SETD2: variants seen among roughly 807,000 people sequenced by gnomAD.
SETD2 encodes the protein histone-lysine N-methyltransferase SETD2.
A neutral mutation model predicts 242.1 loss-of-function variants in SETD2; 31 were observed. The ratio of observed to expected loss-of-function variants is 0.13; its 90% CI spans 0.10 to 0.17. The LOEUF (loss-of-function observed/expected upper bound fraction) is 0.17, where lower values mean the gene tolerates loss of function less well. Ranked by LOEUF, SETD2 falls within the 10% of genes least tolerant of loss-of-function variation. SETD2 has a pLI of 1.00. For missense variants in SETD2, 2,481 were observed against 3,046.3 expected (o/e 0.81, Z 4.37); for synonymous variants, 1,006 against 1,066.5 (o/e 0.94, Z 1.11).
At chr3:47,059,278 G>A (rs974565210) in intron 14 of SETD2, among the ~76,000 whole-genome samples, 1 of 150,880 alleles carries the variant, frequency 6.6e-6, no homozygotes, top group Non-Finnish European at 1.5e-5. Context: ...CACCATGCCT[G>A]GCTAATTTTT....
intron 13 of SETD2, among the ~76,000 whole-genome samples, chr3:47,065,277 G>A (rs1226101449): frequency 2.0e-5 from 3 of 151,448 alleles, no homozygotes; most frequent in Admixed American, 1.3e-4. Flanking sequence ...AAAAATATTC[G>A]AAAGACAAAC....
chr3:47,084,424 GA>G, intron 11 of SETD2, 42 bp from the exon 12 acceptor site: 1 of 1,242,728 alleles, frequency 8.0e-7, no homozygotes, highest in African/African-American at 2.0e-5. Context: ...TTGTACAGTT[GA>G]CTTTTTTTTT....
At chr3:47,092,914 A>G (rs145687846) in intron 9 of SETD2, among the ~76,000 whole-genome samples, 9 of 152,250 alleles carry the variant, frequency 5.9e-5, no homozygotes, top group African/African-American at 1.9e-4. Flanking sequence ...TGCTTTGGAG[A>G]TAACTTATCC....
intron 3 of SETD2, among the ~76,000 whole-genome samples, chr3:47,117,287 A>AAAC (rs1553699255): frequency 8.9e-5 from 13 of 145,462 alleles, no homozygotes; most frequent in African/African-American, 3.0e-4. Flanking sequence ...AAAACAAACA[A>AAAC]AAAAAAAAAC....
chr3:47,081,651 T>C (rs1220329469), intron 12 of SETD2, among the ~76,000 whole-genome samples: 1 of 152,196 alleles, frequency 6.6e-6, no homozygotes, highest in Non-Finnish European at 1.5e-5. Context: ...GCTATCTATG[T>C]TTGTCTGGTT....
At chr3:47,140,711 A>G (rs1206411989) in intron 1 of SETD2, among the ~76,000 whole-genome samples, 1 of 152,022 alleles carries the variant, frequency 6.6e-6, no homozygotes, top group Non-Finnish European at 1.5e-5. Flanking sequence ...AAATACAAAA[A>G]TTAGCCAGGC....
chr3:47,131,532 A>T (rs2043475007), intron 1 of SETD2, among the ~76,000 whole-genome samples: 3 of 151,382 alleles, frequency 2.0e-5, no homozygotes, highest in Non-Finnish European at 4.4e-5. Flanking sequence ...TTTAGTAGAA[A>T]CGGGGCTTCA....
intron 17 of SETD2, among the ~76,000 whole-genome samples, chr3:47,041,790 T>C (rs1325981685): frequency 2.0e-5 from 3 of 152,210 alleles, no homozygotes; most frequent in African/African-American, 7.2e-5. Flanking sequence ...ACTTTTCTAC[T>C]ATATTTGCTT....
At chr3:47,064,247 A>C (rs2040461977) in intron 13 of SETD2, among the ~76,000 whole-genome samples, 1 of 152,198 alleles carries the variant, frequency 6.6e-6, no homozygotes, top group African/African-American at 2.4e-5. Flanking sequence ...TAGGTGGCCC[A>C]AAACCCCAAG....
intron 1 of SETD2, among the ~76,000 whole-genome samples, chr3:47,149,321 T>C (rs958509980): frequency 2.6e-5 from 4 of 152,026 alleles, no homozygotes; most frequent in Admixed American, 2.6e-4. Flanking sequence ...TTTATAAAAT[T>C]AGAGGCACTA....
intron 18 of SETD2, among the ~76,000 whole-genome samples, chr3:47,033,359 G>A (rs2038861014): frequency 6.6e-6 from 1 of 152,116 alleles, no homozygotes; most frequent in Non-Finnish European, 1.5e-5. Context: ...ATGCTCCCAG[G>A]ATGAAAAAGC....
At chr3:47,094,927 C>A (rs2041948794) in intron 9 of SETD2, among the ~76,000 whole-genome samples, 2 of 152,180 alleles carry the variant, frequency 1.3e-5, no homozygotes, top group Non-Finnish European at 2.9e-5. Flanking sequence ...ATACAACCAA[C>A]CAACCAATGA....
rs777476264 is a variant in SETD2 at position 47,123,269 on chromosome 3, C to T, written c.1367G>A (p.Arg456Gln). The change falls in exon 3 of 21, where the codon CGA (arginine) becomes CAA (glutamine). Residue 456 changes from arginine to glutamine, a missense_variant. Arg to Gln is a conservative substitution (Grantham distance 43). Around this residue, in one of 17 missense-constraint regions of SETD2, gnomAD observed 1,300 missense variants for 1,259.2 expected, o/e 1.03. Transcript: ENST00000409792. ...YSRPYTDNRA[R>Q]ESSDSEEEYK... ...CTCTTCTTCTGAGTCAGAACTCTCT[C>T]GTGCTCTGTTATCTGTGTATGGCCG... 89 of 1,552,486 alleles carry T rather than the reference C, an allele frequency of 5.7e-5. No homozygotes were observed. Among genetic ancestry groups the T allele is most frequent in the Non-Finnish European group, 7.6e-5 (87 of 1,147,236 alleles).
intron 3 of SETD2, among the ~76,000 whole-genome samples, chr3:47,118,864 A>G (rs978718645): frequency 6.6e-6 from 1 of 152,064 alleles, no homozygotes; most frequent in Admixed American, 6.6e-5. Flanking sequence ...AAGTTCCATT[A>G]GTCTACTCAC....
chr3:47,031,216 A>G (rs2038752740), intron 18 of SETD2, among the ~76,000 whole-genome samples: 1 of 152,232 alleles, frequency 6.6e-6, no homozygotes. Flanking sequence ...CCACAAATGT[A>G]CAATACCAAG....
chr3:47,096,157 G>C (rs370710169), intron 9 of SETD2, among the ~76,000 whole-genome samples: 1 of 152,216 alleles, frequency 6.6e-6, no homozygotes, highest in Non-Finnish European at 1.5e-5. Context: ...TCAAAGGTAG[G>C]AGGGGACTCC....
At chr3:47,109,666 G>A (rs1313895106) in intron 5 of SETD2, among the ~76,000 whole-genome samples, 1 of 152,028 alleles carries the variant, frequency 6.6e-6, no homozygotes, top group East Asian at 1.9e-4. Context: ...ACAAAAAAAT[G>A]TGGAGGGGAA....
At chr3:47,050,353 C>T (rs1459180756) in intron 15 of SETD2, among the ~76,000 whole-genome samples, 3 of 152,116 alleles carry the variant, frequency 2.0e-5, no homozygotes, top group Non-Finnish European at 4.4e-5. Context: ...ATCAAGATGT[C>T]AGAAGGCCAG....
At chr3:47,107,889 G>A (rs1385592551) in intron 5 of SETD2, among the ~76,000 whole-genome samples, 2 of 152,012 alleles carry the variant, frequency 1.3e-5, no homozygotes, top group Admixed American at 1.3e-4. Context: ...CCTGGGGCAG[G>A]AGAATTGCTT....
Sources: allele counts gnomAD v4.1 joint callset (sites outside exome capture counted in the v4.1 genomes callset), GRCh38; gene constraint gnomAD v4.1.1; regional missense constraint gnomAD v4.1.1; transcripts MANE v1.5; gene names NCBI Gene and HGNC (gene_info 2026-07-23, HGNC 2026-07-21).